The following NDRG2 variants were observed in gnomAD, a reference collection of about 807,000 sequenced individuals.
NDRG2 encodes the protein NDRG family member 2.
A neutral mutation model predicts 58.2 loss-of-function variants in NDRG2; 34 were observed. The observed-to-expected ratio is 0.58, with a 90% CI of 0.44 to 0.78. The LOEUF is 0.78. NDRG2 is among the 30% of genes least tolerant of loss of function. The probability of loss-of-function intolerance (pLI) is 0.00; values close to 1 mark genes in which losing one functional copy is unlikely to be tolerated. For synonymous variants in NDRG2, 187 were observed against 175.9 expected (o/e 1.06, Z -0.50); for missense variants, 434 against 471.2 (o/e 0.92, Z 0.73).
chr14:21,055,606 C>T (rs1305601196), intron 1 of NDRG2, among the ~76,000 whole-genome samples: 1 of 152,214 alleles, frequency 6.6e-6, no homozygotes, highest in African/African-American at 2.4e-5. Flanking sequence ...TGGGCCAGTA[C>T]CTACTTCAGG....
intron 1 of NDRG2, among the ~76,000 whole-genome samples, chr14:21,046,554 CATA>C (rs1885163509): frequency 6.6e-6 from 1 of 150,414 alleles, no homozygotes; most frequent in Non-Finnish European, 1.5e-5. Flanking sequence ...TACATACATA[CATA>C]CATACATACA....
upstream of NDRG2, chr14:21,025,359 C>A: frequency 2.0e-6 from 2 of 985,264 alleles, no homozygotes; most frequent in Non-Finnish European, 2.4e-6. This position sits in a 1 kb window ranked among gnomAD's most constrained non-coding sequence, Gnocchi z 5.1. Context: ...TGAGAGGGAT[C>A]CCTCGGCTGC....
chr14:21,035,838 C>G (rs1437262161), intron 1 of NDRG2: 2 of 456,196 alleles, frequency 4.4e-6, no homozygotes, highest in Admixed American at 2.3e-5. Context: ...GATCCTAGAC[C>G]CCTCCACCTC....
At position 21,017,322 on chromosome 14, in the gene NDRG2, T is replaced by G; in HGVS notation, c.*274A>C. Reference sequence around the variant, plus strand: ...TAGACACCTAGATCAGGACAGAGGATGCATATGCCCTCTCCACCTTAACAT... The same window carrying G: ...TAGACACCTAGATCAGGACAGAGGAGGCATATGCCCTCTCCACCTTAACAT... On this transcript the variant is annotated 3_prime_UTR_variant, in exon 16 of 16. Transcript: ENST00000556147. 4 of 505,270 alleles carry G rather than the reference T, an allele frequency of 7.9e-6. No homozygotes were observed. In the South Asian group the frequency reaches 8.4e-5, roughly 11 times the overall value. 31.3% of individuals were successfully genotyped at this position (505,270 alleles called of 1,614,324 possible).
At chr14:21,045,897 T>C (rs1370075014) in intron 1 of NDRG2, among the ~76,000 whole-genome samples, 1 of 152,224 alleles carries the variant, frequency 6.6e-6, no homozygotes, top group Non-Finnish European at 1.5e-5. Flanking sequence ...AAATATTCTA[T>C]TCTTGGTCTG....
chr14:21,022,846 C>T lies in NDRG2; in HGVS notation c.117+18G>A. 6.2e-7 allele frequency: 1 copy of T among 1,612,812 alleles called. No individual in the cohort carries two copies. The highest frequency in any genetic ancestry group is 2.2e-5 in the East Asian group (1 of 44,800). ...GACAGCCCCTCCTCCCACCTTGGGA[C>T]TGCCCCCACACTGTTACCTGTCCCT... On this transcript the variant is annotated intron_variant, in intron 3 of 15. Transcript: ENST00000556147.
intron 1 of NDRG2, chr14:21,033,397 G>A (rs1884379179): frequency 7.3e-6 from 2 of 275,662 alleles, no homozygotes; most frequent in Admixed American, 1.0e-4. Flanking sequence ...GGGAACTGGG[G>A]GAGGCTGACA....
chr14:21,020,912 T>C (rs1879832460), intron 6 of NDRG2, 68 bp from the exon 7 acceptor site: 2 of 1,521,374 alleles, frequency 1.3e-6, no homozygotes, highest in Non-Finnish European at 1.8e-6. Flanking sequence ...GCCCATCTCT[T>C]CAAACTCTTC....
intron 7 of NDRG2, 50 bp downstream of exon 7, chr14:21,020,734 C>T (rs1268875863): frequency 1.2e-6 from 2 of 1,609,706 alleles, no homozygotes; most frequent in Non-Finnish European, 1.7e-6. Context: ...CAGTATTCTC[C>T]TAATCAGTCT....
At chr14:21,041,675 A>G (rs1040120749) in intron 1 of NDRG2, among the ~76,000 whole-genome samples, 1 of 152,218 alleles carries the variant, frequency 6.6e-6, no homozygotes, top group Non-Finnish European at 1.5e-5. Context: ...ACATTTGGGC[A>G]GTATTAAATT....
At chr14:21,018,111 C>T (rs993315207) in intron 14 of NDRG2, 73 bp from the exon 15 acceptor site, 3 of 1,600,428 alleles carry the variant, frequency 1.9e-6, no homozygotes, top group Non-Finnish European at 1.7e-6. Context: ...GAGGCTGCGG[C>T]ACTGTGGGGC....
At chr14:21,069,215 C>T (rs1208806723) in intron 1 of NDRG2, among the ~76,000 whole-genome samples, 1 of 152,238 alleles carries the variant, frequency 6.6e-6, no homozygotes, top group Non-Finnish European at 1.5e-5. Flanking sequence ...GGAGACCCCC[C>T]ATCTGGCCTT....
In NDRG2 at chr14:21,024,057, G is replaced by A; in HGVS notation, c.-34C>T. The A allele has an allele frequency of 1.0e-6, 1 of 985,648 alleles. No individual in the cohort carries two copies. The highest frequency in any genetic ancestry group is 1.2e-6 in the Non-Finnish European group (1 of 830,094). The allele number at this position is 985,648 out of a possible 1,614,324, so 61.1% of individuals were successfully genotyped here. ...GGCTCCTATTGGCTGGATGCAGTGG[G>A]ATTAGGGGTCAGGGTTCTCACTCCT... On this transcript the variant is annotated 5_prime_UTR_variant, in exon 1 of 16. Transcript: ENST00000556147.
At chr14:21,059,934 A>T (rs767483748) in intron 1 of NDRG2, among the ~76,000 whole-genome samples, 5 of 152,174 alleles carry the variant, frequency 3.3e-5, no homozygotes, top group African/African-American at 4.8e-5. Context: ...ACATACCTAC[A>T]TACCAACATA....
chr14:21,036,343 C>G (rs745957547), intron 1 of NDRG2: 1 of 437,774 alleles, frequency 2.3e-6, no homozygotes, highest in South Asian at 1.6e-5. Flanking sequence ...GGTAGGGGTG[C>G]CCAGTCTTTT....
Position 21,022,064 on chromosome 14 carries a change from C to T in NDRG2, c.342G>A (p.Leu114=). Residue 114 remains leucine, a splice_region_variant and synonymous_variant, in exon 5 of 16, where the codon TTG becomes TTA. Transcript: ENST00000556147. ...AGCAGTAACGACCTAACTCTTACCC[C>T]AAAGGGAACACAGGGGCTCCCTCTT... ...GMEEGAPVFP[L]GYQYPSLDQL... 6.2e-7 allele frequency: 1 copy of T among 1,614,156 alleles called. No individual in the cohort carries two copies. The highest frequency in any genetic ancestry group is 8.5e-7 in the Non-Finnish European group (1 of 1,180,032).
chr14:21,033,926 A>G (rs1433994435), intron 1 of NDRG2: 1 of 1,613,964 alleles, frequency 6.2e-7, no homozygotes, highest in East Asian at 2.2e-5. Context: ...AGTAGCAGCT[A>G]GTGGGTGGCT....
chr14:21,028,241 T>TTTTTGTTTTG (rs71112541), upstream of NDRG2, among the ~76,000 whole-genome samples: 299 of 150,456 alleles, frequency 2.0e-3, no homozygotes, highest in South Asian at 7.4e-3. Context: ...CTTGGGGTTC[T>TTTTTGTTTTG]TTTTGTTTTG....
At chr14:21,057,527 C>T (rs904134374) in intron 1 of NDRG2, among the ~76,000 whole-genome samples, 1 of 150,496 alleles carries the variant, frequency 6.6e-6, no homozygotes, top group African/African-American at 2.5e-5. Flanking sequence ...AGTTAGGGAA[C>T]TTGAGAGGTC....
Sources: allele counts gnomAD v4.1 joint callset (sites outside exome capture counted in the v4.1 genomes callset), GRCh38; gene constraint gnomAD v4.1.1; non-coding constraint Gnocchi (gnomAD v3.1); transcripts MANE v1.5; gene names NCBI Gene and HGNC (gene_info 2026-07-23, HGNC 2026-07-21).